Variants in NALF1 observed in about 807,000 individuals in gnomAD.
The protein encoded by NALF1 is family with sequence similarity 155 member A.
In NALF1, 3 loss-of-function variants were observed where a neutral mutation model predicts 48.4. That is an observed-to-expected ratio of 0.06 (90% CI 0.03 to 0.16). The LOEUF is 0.16. Ranked by LOEUF, NALF1 falls within the 10% of genes least tolerant of loss-of-function variation. NALF1 has a pLI of 1.00. For missense variants in NALF1, 526 were observed against 571.5 expected (o/e 0.92, Z 0.81); for synonymous variants, 262 against 245.7 (o/e 1.07, Z -0.62).
At chr13:107,537,716 G>A (rs555834869) in intron 1 of NALF1, among the ~76,000 whole-genome samples, 3 of 152,150 alleles carry the variant, frequency 2.0e-5, no homozygotes, top group Admixed American at 2.0e-4. Context: ...AGTAAGTGGG[G>A]CCAAATTCTT....
chr13:107,328,030 C>A (rs1257807874), intron 1 of NALF1, among the ~76,000 whole-genome samples: 1 of 152,010 alleles, frequency 6.6e-6, no homozygotes, highest in Non-Finnish European at 1.5e-5. Flanking sequence ...AGGTGATCCT[C>A]CCACCTCTGC....
At chr13:107,446,000 G>A (rs959179997) in intron 1 of NALF1, among the ~76,000 whole-genome samples, 4 of 151,840 alleles carry the variant, frequency 2.6e-5, no homozygotes, top group East Asian at 1.9e-4. Context: ...GTGCAGTGGC[G>A]CAATCTTAGT....
intron 1 of NALF1, among the ~76,000 whole-genome samples, chr13:107,467,835 C>T (rs964382916): frequency 3.3e-5 from 5 of 151,864 alleles, no homozygotes; most frequent in South Asian, 2.1e-4. Flanking sequence ...GGTCAGGAGA[C>T]GGAGACCATT....
At chr13:107,681,884 G>A (rs1200611030) in intron 1 of NALF1, among the ~76,000 whole-genome samples, 3 of 152,228 alleles carry the variant, frequency 2.0e-5, no homozygotes, top group South Asian at 2.1e-4. Flanking sequence ...GAGTGGCCTC[G>A]TTATTCCTCC....
At chr13:107,250,369 G>C (rs1443937431) in intron 1 of NALF1, among the ~76,000 whole-genome samples, 1 of 151,980 alleles carries the variant, frequency 6.6e-6, no homozygotes, top group African/African-American at 2.4e-5. Flanking sequence ...CACAAAAGAA[G>C]TATTCAAAAT....
intron 1 of NALF1, among the ~76,000 whole-genome samples, chr13:107,482,278 T>C (rs1594086798): frequency 1.3e-5 from 2 of 152,050 alleles, no homozygotes; most frequent in Admixed American, 6.6e-5. Context: ...CCCCTGCAGA[T>C]TGAGGACTTG....
At chr13:107,201,046 T>A (rs1280889476) in intron 2 of NALF1, among the ~76,000 whole-genome samples, 8 of 152,162 alleles carry the variant, frequency 5.3e-5, no homozygotes, top group Non-Finnish European at 1.2e-4. Flanking sequence ...AATGAAGAGA[T>A]GGCGACTGAG....
At chr13:107,185,091 A>G (rs1023852143) in intron 2 of NALF1, among the ~76,000 whole-genome samples, 4 of 152,194 alleles carry the variant, frequency 2.6e-5, no homozygotes, top group Non-Finnish European at 5.9e-5. Context: ...AGAGGATTAG[A>G]GCAGCGCAAC....
chr13:107,502,206 T>G (rs1197520433), intron 1 of NALF1, among the ~76,000 whole-genome samples: 1 of 152,172 alleles, frequency 6.6e-6, no homozygotes, highest in Non-Finnish European at 1.5e-5. Flanking sequence ...GTCTTCCTAT[T>G]AGTAGTGTAA....
At chr13:107,621,147 G>A (rs544028506) in intron 1 of NALF1, among the ~76,000 whole-genome samples, 1 of 152,156 alleles carries the variant, frequency 6.6e-6, no homozygotes, top group Non-Finnish European at 1.5e-5. Context: ...CATTCTGACT[G>A]TTTAAACTCT....
intron 1 of NALF1, among the ~76,000 whole-genome samples, chr13:107,812,368 A>C (rs1434322634): frequency 6.6e-6 from 1 of 152,138 alleles, no homozygotes; most frequent in Non-Finnish European, 1.5e-5. Context: ...ATAATATTCT[A>C]AAACAGTTTG....
chr13:107,799,302 G>C (rs1223683370), intron 1 of NALF1, among the ~76,000 whole-genome samples: 1 of 152,190 alleles, frequency 6.6e-6, no homozygotes, highest in African/African-American at 2.4e-5. Context: ...CCTGTTTACA[G>C]CTCCTTTTAT....
intron 1 of NALF1, among the ~76,000 whole-genome samples, chr13:107,786,574 T>TA (rs1309671454): frequency 7.1e-6 from 1 of 140,390 alleles, no homozygotes; most frequent in Admixed American, 7.2e-5. Context: ...CTACTAAAAA[T>TA]AAAAAAAATT....
chr13:107,479,607 T>C (rs569319255), intron 1 of NALF1, among the ~76,000 whole-genome samples: 84 of 151,752 alleles, frequency 5.5e-4, no homozygotes, highest in African/African-American at 2.0e-3. Flanking sequence ...ATTAAAGTAC[T>C]AGATGAAATT....
At chr13:107,390,964 T>C (rs1883617490) in intron 1 of NALF1, among the ~76,000 whole-genome samples, 2 of 152,164 alleles carry the variant, frequency 1.3e-5, no homozygotes, top group Middle Eastern at 3.4e-3. Context: ...GCATTTAGCA[T>C]TTCTTTTTAA....
intron 1 of NALF1, among the ~76,000 whole-genome samples, chr13:107,263,567 T>C (rs571557176): frequency 3.3e-5 from 5 of 152,202 alleles, no homozygotes; most frequent in South Asian, 2.1e-4. Context: ...ACTTTTCTCA[T>C]GGTAGTGAAT....
chr13:107,771,368 A>C (rs1877571365), intron 1 of NALF1, among the ~76,000 whole-genome samples: 1 of 151,916 alleles, frequency 6.6e-6, no homozygotes, highest in Non-Finnish European at 1.5e-5. Flanking sequence ...TACATAACAT[A>C]CTTAATGGCT....
At chr13:107,831,842 C>G (rs1269348016) in intron 1 of NALF1, among the ~76,000 whole-genome samples, 1 of 152,150 alleles carries the variant, frequency 6.6e-6, no homozygotes, top group East Asian at 1.9e-4. Context: ...CAAAATATTC[C>G]AGAGTTTAGC....
intron 1 of NALF1, among the ~76,000 whole-genome samples, chr13:107,239,251 C>T (rs1214083143): frequency 6.6e-6 from 1 of 152,146 alleles, no homozygotes; most frequent in Non-Finnish European, 1.5e-5. Context: ...AAAACTGAAG[C>T]GCCGACAGGC....
Sources: allele counts gnomAD v4.1 joint callset (sites outside exome capture counted in the v4.1 genomes callset), GRCh38; gene constraint gnomAD v4.1.1; transcripts MANE v1.5; gene names NCBI Gene and HGNC (gene_info 2026-07-23, HGNC 2026-07-21).